Variants in ZNF804B observed in about 807,000 individuals in gnomAD.
The protein encoded by ZNF804B is zinc finger protein 804B.
Under a neutral mutation model 101.4 loss-of-function variants are expected in ZNF804B, and 80 were observed. That is an observed-to-expected ratio of 0.79 (90% CI 0.66 to 0.95). ZNF804B has a LOEUF of 0.95. Ranked by LOEUF, ZNF804B falls within the 40% of genes least tolerant of loss-of-function variation. ZNF804B has a pLI of 0.00. For synonymous variants in ZNF804B, 622 were observed against 558.8 expected (o/e 1.11, Z -1.59); for missense variants, 1,673 against 1,561.9 (o/e 1.07, Z -1.20).
chr7:89,151,059 G>A (rs895251222), intron 1 of ZNF804B, among the ~76,000 whole-genome samples: 2 of 152,106 alleles, frequency 1.3e-5, no homozygotes, highest in Non-Finnish European at 2.9e-5. Flanking sequence ...ATATGATGTA[G>A]TAGGTGCTTT....
chr7:89,330,248 G>T (rs1790958765), intron 3 of ZNF804B, among the ~76,000 whole-genome samples: 1 of 151,588 alleles, frequency 6.6e-6, no homozygotes, highest in Non-Finnish European at 1.5e-5. Flanking sequence ...TGAAGGTATT[G>T]TTCAAAGTTT....
chr7:89,093,173 C>G (rs1789921410), intron 1 of ZNF804B, among the ~76,000 whole-genome samples: 1 of 152,108 alleles, frequency 6.6e-6, no homozygotes, highest in Non-Finnish European at 1.5e-5. Flanking sequence ...TAACCATCTT[C>G]CACTTATTTA....
At chr7:88,946,018 A>G (rs1034765471) in intron 1 of ZNF804B, among the ~76,000 whole-genome samples, 2 of 152,132 alleles carry the variant, frequency 1.3e-5, no homozygotes, top group African/African-American at 4.8e-5. Flanking sequence ...CTAAATATGC[A>G]ATCATGACAT....
intron 1 of ZNF804B, among the ~76,000 whole-genome samples, chr7:89,024,898 G>GA (rs201235807): frequency 0.021 from 3,220 of 151,778 alleles, 43 homozygotes; most frequent in Non-Finnish European, 0.035. Flanking sequence ...TATAAGAAAT[G>GA]AAAAAAACAA....
In ZNF804B at chr7:89,309,547, G is replaced by A. The variant is rs1790617456; in HGVS notation, c.250-17797G>A. 2.0e-5 allele frequency among the ~76,000 whole-genome samples: 3 copies of A among 151,990 alleles called. No homozygotes were observed. In the South Asian group the frequency reaches 6.2e-4, roughly 32 times the overall value. ...GAAGCCAAAGCAGGCAGATCACAAT[G>A]TCAGGAGTTGGAGACTAGCCTGGCC... On this transcript the variant is annotated intron_variant, in intron 2 of 3. Coordinates refer to ENST00000333190, the MANE Select transcript of ZNF804B (RefSeq NM_181646.5).
chr7:88,836,033 C>G (rs1418221708), intron 1 of ZNF804B, among the ~76,000 whole-genome samples: 1 of 151,866 alleles, frequency 6.6e-6, no homozygotes, highest in Non-Finnish European at 1.5e-5. Flanking sequence ...TCTTACTAAA[C>G]AATCCTGGTA....
chr7:89,234,207 G>T lies in ZNF804B; in HGVS notation c.249+15912G>T, dbSNP rs112433468. ...AAAGATATGGCAATTAATTGTTGAG[G>T]TGTATATATGTTAAATGATCTGTTT... On this transcript the variant is annotated intron_variant, in intron 2 of 3. Transcript: ENST00000333190. Among the ~76,000 whole-genome samples the T allele has an allele frequency of 9.7e-3, 1,477 of 152,008 alleles. 14 individuals are homozygous for T. Among genetic ancestry groups the T allele is most frequent in the Admixed American group, 0.015 (231 of 15,280 alleles).
At chr7:88,943,219 A>G (rs1793079822) in intron 1 of ZNF804B, among the ~76,000 whole-genome samples, 1 of 151,940 alleles carries the variant, frequency 6.6e-6, no homozygotes, top group Admixed American at 6.6e-5. Flanking sequence ...TCTCTATTTT[A>G]TGTATTAATA....
At chr7:89,154,221 A>T (rs1333731120) in intron 1 of ZNF804B, among the ~76,000 whole-genome samples, 2 of 152,200 alleles carry the variant, frequency 1.3e-5, no homozygotes, top group Non-Finnish European at 2.9e-5. Context: ...TATCCAAAAC[A>T]CAGGCAATAA....
intron 1 of ZNF804B, among the ~76,000 whole-genome samples, chr7:89,009,716 A>C (rs1182766765): frequency 6.6e-6 from 1 of 152,228 alleles, no homozygotes; most frequent in Non-Finnish European, 1.5e-5. Context: ...GATGCTGTTT[A>C]TGAACCAGAA....
chr7:88,806,905 A>C (rs1226578987), intron 1 of ZNF804B, among the ~76,000 whole-genome samples: 1 of 152,020 alleles, frequency 6.6e-6, no homozygotes, highest in Non-Finnish European at 1.5e-5. Context: ...CTAGTTTTAC[A>C]TTTTTTATAA....
rs564909951 is a variant in ZNF804B at position 89,188,001 on chromosome 7, G to T, written c.109-30154G>T. Among the ~76,000 whole-genome samples, 13 of 152,200 alleles carry T rather than the reference G, an allele frequency of 8.5e-5. No homozygotes were observed. The East Asian group carries it at 2.5e-3, about 30-fold the overall frequency. ...CAGGACTTATACCACATTTGCTTGTGTGGGTTGGGAAAGTCATTTGATTGT... is the reference window on the plus strand; with the variant it reads ...CAGGACTTATACCACATTTGCTTGTTTGGGTTGGGAAAGTCATTTGATTGT... On this transcript the variant is annotated intron_variant, in intron 1 of 3. Coordinates refer to ENST00000333190, the MANE Select transcript of ZNF804B (RefSeq NM_181646.5).
intron 1 of ZNF804B, among the ~76,000 whole-genome samples, chr7:88,862,772 C>T (rs1791668893): frequency 6.6e-6 from 1 of 151,928 alleles, no homozygotes; most frequent in South Asian, 2.1e-4. Context: ...TGTTTTGATT[C>T]ATCGATGTTT....
intron 2 of ZNF804B, among the ~76,000 whole-genome samples, chr7:89,295,531 A>G (rs538302315): frequency 1.3e-5 from 2 of 152,146 alleles, no homozygotes; most frequent in Non-Finnish European, 2.9e-5. Context: ...GAAATGATCA[A>G]AACAATCAAT....
intron 1 of ZNF804B, among the ~76,000 whole-genome samples, chr7:89,131,888 T>G (rs1349319675): frequency 2.6e-5 from 4 of 151,998 alleles, no homozygotes; most frequent in African/African-American, 9.7e-5. Flanking sequence ...AACACGAATC[T>G]TAGGCTAAGA....
At chr7:88,854,438 T>TCTTC (rs1791508830) in intron 1 of ZNF804B, among the ~76,000 whole-genome samples, 1 of 123,908 alleles carries the variant, frequency 8.1e-6, no homozygotes, top group African/African-American at 3.3e-5. Flanking sequence ...TTTCTTTCTT[T>TCTTC]CTTTCTTTCT....
intron 1 of ZNF804B, among the ~76,000 whole-genome samples, chr7:89,132,413 G>C (rs1307672820): frequency 2.0e-5 from 3 of 151,922 alleles, no homozygotes; most frequent in Non-Finnish European, 4.4e-5. Context: ...TCAAGAAAGA[G>C]AAATAAAATC....
chr7:89,011,593 T>C (rs1788463146), intron 1 of ZNF804B, among the ~76,000 whole-genome samples: 2 of 152,028 alleles, frequency 1.3e-5, no homozygotes, highest in Admixed American at 6.6e-5. Flanking sequence ...TTGGCTAAAA[T>C]AAAGGGCTAC....
At chr7:89,305,304 A>G (rs1364987773) in intron 2 of ZNF804B, among the ~76,000 whole-genome samples, 1 of 152,000 alleles carries the variant, frequency 6.6e-6, no homozygotes, top group Non-Finnish European at 1.5e-5. Flanking sequence ...ATGAAAGCAG[A>G]GTCTGTTATG....
Sources: gnomAD v4.1 joint callset for allele counts (sites outside exome capture counted in the v4.1 genomes callset) on GRCh38, gnomAD v4.1.1 for gene constraint, MANE v1.5 for transcripts, NCBI Gene and HGNC (gene_info 2026-07-23, HGNC 2026-07-21) for gene names.